The following FBXO5 variants were observed in gnomAD, a reference collection of about 807,000 sequenced individuals.
FBXO5 encodes F-box protein 5.
Under a neutral mutation model 43.3 loss-of-function variants are expected in FBXO5, and 8 were observed. The observed-to-expected ratio is 0.18, with a 90% CI of 0.11 to 0.33. The LOEUF (loss-of-function observed/expected upper bound fraction) is 0.33, where lower values mean the gene tolerates loss of function less well. Ranked by LOEUF, FBXO5 falls within the 10% of genes least tolerant of loss-of-function variation. The pLI is 1.00. For synonymous variants in FBXO5, 204 were observed against 193.7 expected, an observed-to-expected ratio of 1.05 and a Z score of -0.44; for missense variants, 491 against 535.7, an observed-to-expected ratio of 0.92 and a Z score of 0.82.
At chr6:152,973,219 G>T (rs939988184) in intron 2 of FBXO5, 83 bp from the exon 3 acceptor site, 2 of 1,076,244 alleles carry the variant, frequency 1.9e-6, no homozygotes, top group Non-Finnish European at 2.8e-6. Context: ...CATCAGCAGT[G>T]CAAAAAGATA....
At chr6:152,982,776 G>A in intron 1 of FBXO5, 81 bp downstream of exon 1, 3 of 999,290 alleles carry the variant, frequency 3.0e-6, no homozygotes, top group Non-Finnish European at 4.1e-6. Flanking sequence ...AGGGACGTCG[G>A]GTCAGGGTCT....
Position 152,975,101 on chromosome 6 carries a change from A to G in FBXO5, c.624T>C (p.Asn208=). The G allele has an allele frequency of 1.2e-6, 2 of 1,614,146 alleles. No individual in the cohort carries two copies. Among genetic ancestry groups the G allele is most frequent in the Non-Finnish European group, 1.7e-6 (2 of 1,180,014 alleles). ...EKVVCSTLKK[N]AKRNPKVDRE... ...GATCTACTTTAGGATTTCGTTTTGC[A>G]TTCTTTTTTAATGTTGAACAAACCA... Residue 208 remains asparagine (N), a synonymous_variant, in exon 2 of 5, where the codon AAT becomes AAC. Transcript: ENST00000229758.
At chr6:152,974,210 A>G (rs1778128007) in intron 2 of FBXO5, among the ~76,000 whole-genome samples, 1 of 152,044 alleles carries the variant, frequency 6.6e-6, no homozygotes, top group Non-Finnish European at 1.5e-5. Context: ...CTGTCTCAAA[A>G]AAAAAAAAAA....
chr6:152,982,936 G>A lies in FBXO5; in HGVS notation c.24C>T (p.Cys8=). 3.5e-6 allele frequency: 5 copies of A among 1,437,554 alleles called. No individual in the cohort carries two copies. Among genetic ancestry groups the A allele is most frequent in the Non-Finnish European group, 4.5e-6 (5 of 1,104,714 alleles). 89.0% of individuals were successfully genotyped at this position (1,437,554 alleles called of 1,614,324 possible). The change falls in exon 1 of 5, where the codon TGC becomes TGT. Residue 8 remains cysteine, a synonymous_variant. Coordinates refer to ENST00000229758, the MANE Select transcript of FBXO5 (RefSeq NM_012177.5). The stretch of plus-strand genomic sequence containing the variant: ...AGGAGCAGCGGGGTGGCCGTAGGGC[G>A]CAGCTGCAGGGGCGCCGGCTCATGC... MSRRPCS[C]ALRPPRCSCS...
intron 1 of FBXO5, among the ~76,000 whole-genome samples, chr6:152,982,384 C>T (rs1778274704): frequency 6.6e-6 from 1 of 151,214 alleles, no homozygotes; most frequent in African/African-American, 2.4e-5. Context: ...TGTGAGGGTG[C>T]GGGGCAGATG....
rs113611339 is a variant in FBXO5 at position 152,971,283 on chromosome 6, C to T, written c.1224G>A (p.Lys408=). ...TAGTAGTATGATAATTACAGAGACA[C>T]TTCGTACAATAATCAAATCCACAGC... The part of the protein sequence containing the change: ...REGCGFDYCT[K]CLCNYHTTKD... Residue 408 remains lysine (K), a synonymous_variant, in exon 5 of 5, where the codon AAG becomes AAA. Coordinates refer to ENST00000229758, the MANE Select transcript of FBXO5 (RefSeq NM_012177.5). The T allele has an allele frequency of 1.8e-5, 29 of 1,614,022 alleles. No homozygotes were observed. In the East Asian group the frequency reaches 6.5e-4, roughly 36 times the overall value.
At chr6:152,972,204 A>G in intron 4 of FBXO5, 68 bp downstream of exon 4, 1 of 1,211,074 alleles carries the variant, frequency 8.3e-7, no homozygotes, top group Non-Finnish European at 1.2e-6. Flanking sequence ...TTTGACCTTG[A>G]AAGTTCTTTT....
upstream of FBXO5, chr6:152,983,349 A>T: frequency 5.3e-6 from 1 of 187,014 alleles, no homozygotes; most frequent in East Asian, 1.3e-4. Context: ...GCCCGCCAAG[A>T]TTCCTTCCGC....
At chr6:152,976,437 G>C (rs773021236) in intron 1 of FBXO5, among the ~76,000 whole-genome samples, 1 of 152,112 alleles carries the variant, frequency 6.6e-6, no homozygotes, top group Non-Finnish European at 1.5e-5. Flanking sequence ...CTCGAGTACC[G>C]GGACATCTCC....
Position 152,971,262 on chromosome 6 carries a change from A to C in FBXO5, c.1245T>G (p.Thr415=). 2.5e-6 allele frequency: 4 copies of C among 1,614,072 alleles called. No homozygotes were observed. The highest frequency in any genetic ancestry group is 3.4e-6 in the Non-Finnish European group (4 of 1,179,944). The part of the protein sequence containing the change: ...YCTKCLCNYH[T]TKDCSDGKLL... ...GCTTGCCATCTGAACAGTCTTTAGT[A>C]GTATGATAATTACAGAGACACTTCG... is the stretch of plus-strand genomic sequence containing the variant. Residue 415 remains threonine, a synonymous_variant, in exon 5 of 5, where the codon ACT becomes ACG. Coordinates refer to ENST00000229758, the MANE Select transcript of FBXO5 (RefSeq NM_012177.5).
intron 2 of FBXO5, chr6:152,973,371 A>AACC (rs1480316375): frequency 2.1e-6 from 1 of 480,898 alleles, no homozygotes; most frequent in Non-Finnish European, 3.7e-6. Context: ...GAGGCTTAAG[A>AACC]ACCACTGCTT....
At chr6:152,975,709 G>A (rs1778160020) in intron 1 of FBXO5, 88 bp from the exon 2 acceptor site, 2 of 802,176 alleles carry the variant, frequency 2.5e-6, no homozygotes, top group Admixed American at 2.7e-5. Context: ...AGATTACTTT[G>A]CAATCTCTCA....
intron 1 of FBXO5, among the ~76,000 whole-genome samples, chr6:152,981,601 C>A (rs1419623181): frequency 1.3e-5 from 2 of 151,112 alleles, no homozygotes; most frequent in African/African-American, 2.4e-5. Flanking sequence ...AAAATTCCAA[C>A]AGGCAGTCAT....
intron 2 of FBXO5, among the ~76,000 whole-genome samples, chr6:152,974,338 A>T (rs973282996): frequency 2.0e-5 from 3 of 152,206 alleles, no homozygotes; most frequent in Non-Finnish European, 4.4e-5. Context: ...TGGTGTGACA[A>T]GTCATAATGC....
intron 1 of FBXO5, among the ~76,000 whole-genome samples, chr6:152,979,119 C>T (rs1422112377): frequency 6.6e-6 from 1 of 152,184 alleles, no homozygotes; most frequent in African/African-American, 2.4e-5. Flanking sequence ...ACTTATATTA[C>T]TAACAGTAAT....
At chr6:152,979,655 A>G (rs7743725) in intron 1 of FBXO5, among the ~76,000 whole-genome samples, 16,484 of 152,176 alleles carry the variant, frequency 0.11, 943 homozygotes, top group South Asian at 0.2. Context: ...TATTCATACT[A>G]CCAATCATTT....
In FBXO5 at chr6:152,982,918, GC is replaced by G; in HGVS notation, c.41del (p.Arg14ProfsTer11). ...CGCTGGGGCTGGCGCTGCAGGAGCA[GC>G]GGGGTGGCCGTAGGGCGCAGCTGCA... is the stretch of plus-strand genomic sequence containing the variant. ...RPCSCALRPPRCSCSASPSAV... is the reference protein window; with the variant it reads ...RPCSCALRPPXCSCSASPSAV... On this transcript the variant is annotated frameshift_variant, in exon 1 of 5. Transcript: ENST00000229758. LOFTEE classifies it high-confidence loss of function. 1 of 1,473,362 alleles carries G rather than the reference GC, an allele frequency of 6.8e-7. No individual in the cohort carries two copies. 91.3% of individuals were successfully genotyped at this position (1,473,362 alleles called of 1,614,324 possible).
chr6:152,974,997 C>T lies in FBXO5; in HGVS notation c.728G>A (p.Cys243Tyr). The part of the protein sequence containing the change: ...NIIGRKMGLE[C>Y]VDILSELFRR... ...AAAGAGTTCGCTGAGAATATCTACA[C>T]ATTCTAGGCCCATTTTTCTGCCAAT... Residue 243 changes from cysteine to tyrosine, a missense_variant, in exon 2 of 5, where the codon TGT becomes TAT. By Grantham distance (194) the Cys-to-Tyr change is radical (BLOSUM62 -2). Coordinates refer to ENST00000229758, the MANE Select transcript of FBXO5 (RefSeq NM_012177.5). 1 of 1,614,082 alleles carries T rather than the reference C, an allele frequency of 6.2e-7. No homozygotes were observed. Among genetic ancestry groups the T allele is most frequent in the Non-Finnish European group, 8.5e-7 (1 of 1,180,010 alleles).
intron 1 of FBXO5, among the ~76,000 whole-genome samples, chr6:152,982,328 G>A (rs1242743416): frequency 1.3e-5 from 2 of 152,046 alleles, no homozygotes; most frequent in African/African-American, 4.8e-5. Flanking sequence ...TCCCGCGCCC[G>A]CCAGCAAGGC....
Sources: gnomAD v4.1 joint callset for allele counts (sites outside exome capture counted in the v4.1 genomes callset) on GRCh38, gnomAD v4.1.1 for gene constraint, MANE v1.5 for transcripts, NCBI Gene and HGNC (gene_info 2026-07-23, HGNC 2026-07-21) for gene names.